The following ARHGEF7 variants were observed in gnomAD, a reference collection of about 807,000 sequenced individuals.
The protein encoded by ARHGEF7 is PAK-interacting exchange factor beta.
A neutral mutation model predicts 109.8 loss-of-function variants in ARHGEF7; 33 were observed. The observed-to-expected ratio is 0.30, with a 90% CI of 0.23 to 0.40. The LOEUF is 0.40. Ranked by LOEUF, ARHGEF7 falls within the 10% of genes least tolerant of loss-of-function variation. The pLI, the probability that ARHGEF7 is intolerant of heterozygous loss-of-function variation, is 1.00. For synonymous variants in ARHGEF7, 458 were observed against 424.6 expected (o/e 1.08, Z -0.97); for missense variants, 938 against 1,098.5 (o/e 0.85, Z 2.07).
intron 2 of ARHGEF7, among the ~76,000 whole-genome samples, chr13:111,155,677 C>G: frequency 6.6e-6 from 1 of 152,196 alleles, no homozygotes; most frequent in Non-Finnish European, 1.5e-5. Flanking sequence ...ATATTATCCT[C>G]TTGAAACTAC....
At chr13:111,277,005 C>T (rs1335756703) in intron 12 of ARHGEF7, among the ~76,000 whole-genome samples, 1 of 152,038 alleles carries the variant, frequency 6.6e-6, no homozygotes, top group African/African-American at 2.4e-5. Flanking sequence ...CTGATGTAAA[C>T]CAGGTGATGT....
chr13:111,180,379 A>G (rs1212246691), intron 2 of ARHGEF7, among the ~76,000 whole-genome samples: 1 of 152,258 alleles, frequency 6.6e-6, no homozygotes, highest in Non-Finnish European at 1.5e-5. Context: ...AGTGAATAGA[A>G]GGAAGTTGAT....
At chr13:111,208,025 A>G (rs1456837962) in intron 3 of ARHGEF7, among the ~76,000 whole-genome samples, 1 of 152,140 alleles carries the variant, frequency 6.6e-6, no homozygotes, top group Non-Finnish European at 1.5e-5. Context: ...TTTTGAAGTC[A>G]GTGGGAAGGC....
At chr13:111,277,532 A>G (rs1052071263) in intron 12 of ARHGEF7, 55 bp from the exon 13 acceptor site, 1 of 1,117,050 alleles carries the variant, frequency 9.0e-7, no homozygotes, top group Non-Finnish European at 1.4e-6. Context: ...TTGTGCTCAC[A>G]TTTGTTAAGT....
At chr13:111,301,578 G>T in intron 21 of ARHGEF7, 46 bp downstream of exon 21, 1 of 1,468,708 alleles carries the variant, frequency 6.8e-7, no homozygotes, top group Non-Finnish European at 9.5e-7. Flanking sequence ...TTTCAAATGG[G>T]AGAAAAGAAG....
At chr13:111,129,573 ATTTCAC>A in intron 1 of ARHGEF7, among the ~76,000 whole-genome samples, 1 of 152,360 alleles carries the variant, frequency 6.6e-6, no homozygotes, top group South Asian at 2.1e-4. Context: ...TTGAATAGAC[ATTTCAC>A]CACAAAATAT....
chr13:111,157,714 T>G (rs949984080), intron 2 of ARHGEF7, among the ~76,000 whole-genome samples: 2 of 152,192 alleles, frequency 1.3e-5, no homozygotes, highest in African/African-American at 4.8e-5. Context: ...CAGAGTGATT[T>G]CTGTTTCCAG....
At chr13:111,269,972 A>C (rs932360307) in intron 9 of ARHGEF7, among the ~76,000 whole-genome samples, 1 of 152,142 alleles carries the variant, frequency 6.6e-6, no homozygotes, top group Non-Finnish European at 1.5e-5. Context: ...CATGCTGTGG[A>C]GTAATTTTTA....
rs1157538107 is a variant in ARHGEF7 at position 111,255,448 on chromosome 13, G to A, written c.950+11154G>A. 1.3e-5 allele frequency among the ~76,000 whole-genome samples: 2 copies of A among 152,218 alleles called. No individual in the cohort carries two copies. Among genetic ancestry groups the A allele is most frequent in the Non-Finnish European group, 2.9e-5 (2 of 68,030 alleles). On this transcript the variant is annotated intron_variant, in intron 8 of 21. Transcript: ENST00000646102. This position sits in a 1 kb window ranked among gnomAD's most constrained non-coding sequence, Gnocchi z 4.1. ...CCTCATCTATAAAGCAGGGGTGCTG[G>A]TGTCACCCACCCAGAGTCTTGCGGA... is the stretch of plus-strand genomic sequence containing the variant.
At chr13:111,288,290 C>G in intron 17 of ARHGEF7, 64 bp from the exon 18 acceptor site, 1 of 1,063,050 alleles carries the variant, frequency 9.4e-7, no homozygotes, top group Non-Finnish European at 1.4e-6. Flanking sequence ...GCATTGCATT[C>G]GTCTCGCCAG....
intron 2 of ARHGEF7, among the ~76,000 whole-genome samples, chr13:111,184,574 C>T (rs1249405484): frequency 6.6e-6 from 1 of 152,228 alleles, no homozygotes; most frequent in Non-Finnish European, 1.5e-5. Flanking sequence ...CTCTCACATT[C>T]TGAGGCTGAC....
chr13:111,280,552 C>A lies in ARHGEF7; in HGVS notation c.1600C>A (p.Arg534=). 6.2e-7 allele frequency: 1 copy of A among 1,604,636 alleles called. No homozygotes were observed. The highest frequency in any genetic ancestry group is 8.5e-7 in the Non-Finnish European group (1 of 1,176,416). ...AFEISGSMIE[R]ILVSCNNQQD... ...CTCTCCTATAGGGAGCATGATTGAGCGGATATTAGTGTCGTGCAACAACCA... is the reference window on the plus strand; with the variant it reads ...CTCTCCTATAGGGAGCATGATTGAGAGGATATTAGTGTCGTGCAACAACCA... Residue 534 remains arginine (R), a synonymous_variant, in exon 15 of 22, where the codon CGG becomes AGG. Coordinates refer to ENST00000646102, the MANE Select transcript of ARHGEF7 (RefSeq NM_001354046.2).
At position 111,305,047 on chromosome 13, in the gene ARHGEF7, G is replaced by C. The variant is rs371703639; in HGVS notation, c.*1934G>C. ...TAACTGTCCTCTCGGAGCCGGTAGCGTTGCTGTCCGAGTCCCCAGGACGGA... is the reference window on the plus strand; with the variant it reads ...TAACTGTCCTCTCGGAGCCGGTAGCCTTGCTGTCCGAGTCCCCAGGACGGA... On this transcript the variant is annotated 3_prime_UTR_variant, in exon 22 of 22. Transcript: ENST00000646102. The C allele has an allele frequency of 6.6e-6, 1 of 152,230 alleles. No individual in the cohort carries two copies. Among genetic ancestry groups the C allele is most frequent in the African/African-American group, 2.4e-5 (1 of 41,464 alleles). The allele number at this position is 152,230 out of a possible 1,614,324, so 9.4% of individuals were successfully genotyped here.
chr13:111,162,867 G>C (rs2076852688), intron 2 of ARHGEF7, among the ~76,000 whole-genome samples: 10 of 152,152 alleles, frequency 6.6e-5, no homozygotes, highest in Admixed American at 5.2e-4. Flanking sequence ...GTTGATGCAG[G>C]CTTAATAATT....
intron 8 of ARHGEF7, among the ~76,000 whole-genome samples, chr13:111,252,626 T>TA (rs1004025941): frequency 6.6e-6 from 1 of 152,268 alleles, no homozygotes; most frequent in African/African-American, 2.4e-5. Flanking sequence ...TGCCTTACTA[T>TA]AAATATGTAC....
chr13:111,217,825 C>G lies in ARHGEF7; in HGVS notation c.615C>G (p.Leu205=), dbSNP rs145220586. ...VEEGGWWEGT[L]NGRTGWFPSN... is the part of the protein sequence containing the mutation. The stretch of plus-strand genomic sequence containing the variant: ...AGGGAGGCTGGTGGGAGGGCACACT[C>G]AACGGCCGGACCGGCTGGTTCCCCA... The change falls in exon 5 of 22, where the codon CTC becomes CTG. Residue 205 remains leucine (L), a synonymous_variant. Coordinates refer to ENST00000646102, the MANE Select transcript of ARHGEF7 (RefSeq NM_001354046.2). The G allele has an allele frequency of 1.2e-6, 2 of 1,614,146 alleles. No homozygotes were observed. Among genetic ancestry groups the G allele is most frequent in the Non-Finnish European group, 1.7e-6 (2 of 1,179,966 alleles).
At chr13:111,284,107 T>C (rs1412255183) in intron 16 of ARHGEF7, among the ~76,000 whole-genome samples, 1 of 151,964 alleles carries the variant, frequency 6.6e-6, no homozygotes, top group Non-Finnish European at 1.5e-5. Context: ...TGAGCGTGCA[T>C]GGTGGTGAGG....
chr13:111,124,659 C>T (rs1191171071), intron 1 of ARHGEF7, among the ~76,000 whole-genome samples: 1 of 152,246 alleles, frequency 6.6e-6, no homozygotes, highest in South Asian at 2.1e-4. Flanking sequence ...CCACTGGCTA[C>T]TGGGATGGGA....
chr13:111,135,919 A>C (rs1250299959), intron 1 of ARHGEF7, among the ~76,000 whole-genome samples: 1 of 152,144 alleles, frequency 6.6e-6, no homozygotes, highest in Non-Finnish European at 1.5e-5. Flanking sequence ...TCAGTATGAT[A>C]TTGGCTGTGG....
Sources: gnomAD v4.1 joint callset for allele counts (sites outside exome capture counted in the v4.1 genomes callset) on GRCh38, gnomAD v4.1.1 for gene constraint, Gnocchi (gnomAD v3.1) non-coding constraint, MANE v1.5 for transcripts, NCBI Gene and HGNC (gene_info 2026-07-23, HGNC 2026-07-21) for gene names.